MGA: variants seen among roughly 807,000 people sequenced by gnomAD.
The protein encoded by MGA is MAX gene-associated protein.
In MGA, 40 loss-of-function variants were observed where a neutral mutation model predicts 261.1. The ratio of observed to expected loss-of-function variants is 0.15; its 90% CI spans 0.12 to 0.20. The LOEUF is 0.20. MGA is among the 10% of genes least tolerant of loss of function. The pLI is 1.00. For synonymous variants in MGA, 1,302 were observed against 1,290.6 expected (o/e 1.01, Z -0.19); for missense variants, 3,397 against 3,630.5 (o/e 0.94, Z 1.65).
chr15:41,626,515 C>T (rs1255677724), intron 1 of MGA, among the ~76,000 whole-genome samples: 2 of 151,986 alleles, frequency 1.3e-5, no homozygotes, highest in Non-Finnish European at 2.9e-5. Context: ...CTCTGCCTCC[C>T]GGGTTCAAGT....
In MGA at chr15:41,743,000, A is replaced by G; in HGVS notation, c.5040A>G (p.Val1680=). The G allele has an allele frequency of 6.2e-7, 1 of 1,613,988 alleles. No individual in the cohort carries two copies. The highest frequency in any genetic ancestry group is 8.5e-7 in the Non-Finnish European group (1 of 1,179,892). Residue 1680 remains valine (V), a synonymous_variant, in exon 15 of 24, where the codon GTA becomes GTG. Transcript: ENST00000219905. ...CAGTTGCTTTTCCTAAGTCTTTGGT[A>G]GCATCTCCTTCAACCATAACTCTTC...
chr15:41,657,530 A>G (rs142607664), upstream of MGA, among the ~76,000 whole-genome samples: 37 of 151,330 alleles, frequency 2.4e-4, no homozygotes, highest in South Asian at 8.5e-4. Context: ...ATTTTTTTAT[A>G]TTTTTAGTAG....
intron 9 of MGA, among the ~76,000 whole-genome samples, chr15:41,719,152 CCAA>C (rs912716260): frequency 1.3e-5 from 2 of 152,020 alleles, no homozygotes; most frequent in African/African-American, 4.8e-5. Flanking sequence ...AAAATAGCAT[CCAA>C]CGAGAAGAGA....
chr15:41,665,755 A>T (rs987870732), intron 1 of MGA, among the ~76,000 whole-genome samples: 1 of 152,190 alleles, frequency 6.6e-6, no homozygotes, highest in African/African-American at 2.4e-5. Context: ...AAGAAATCCC[A>T]CACCCATTAG....
chr15:41,691,707 T>C (rs745665014), intron 2 of MGA: 2 of 435,640 alleles, frequency 4.6e-6, no homozygotes, highest in Non-Finnish European at 1.0e-5. Flanking sequence ...CATTAGTTTT[T>C]CTTTCAACAC....
intron 13 of MGA, 54 bp from the exon 14 acceptor site, chr15:41,739,852 G>T: frequency 6.4e-7 from 1 of 1,551,142 alleles, no homozygotes; most frequent in African/African-American, 1.4e-5. Context: ...CAAGGGAGAG[G>T]AGTTAGCAAG....
chr15:41,689,485 T>A (rs1383160528), intron 2 of MGA, among the ~76,000 whole-genome samples: 1 of 151,834 alleles, frequency 6.6e-6, no homozygotes, highest in Non-Finnish European at 1.5e-5. Flanking sequence ...ATAAGAAAAG[T>A]CTTTTATATT....
At chr15:41,639,586 C>G (rs1251781428) in intron 1 of MGA, among the ~76,000 whole-genome samples, 2 of 151,556 alleles carry the variant, frequency 1.3e-5, no homozygotes, top group African/African-American at 4.9e-5. Context: ...GCTCTGTCGT[C>G]CAGGCTGGAG....
intron 2 of MGA, among the ~76,000 whole-genome samples, chr15:41,693,650 A>G (rs2059406090): frequency 6.6e-6 from 1 of 152,130 alleles, no homozygotes; most frequent in African/African-American, 2.4e-5. Flanking sequence ...GGACTGAGAC[A>G]CTAATGTAAT....
chr15:41,751,139 A>G (rs2062808545), intron 17 of MGA: 1 of 152,300 alleles, frequency 6.6e-6, no homozygotes, highest in African/African-American at 2.4e-5. Flanking sequence ...TTAAATATTT[A>G]GTCTCTGGAA....
At chr15:41,710,647 C>T (rs760598917) in intron 7 of MGA, 44 bp from the exon 8 acceptor site, 1 of 1,504,734 alleles carries the variant, frequency 6.6e-7, no homozygotes, top group Non-Finnish European at 8.9e-7. Context: ...ATTCATAAAT[C>T]TGTCCTAGAT....
At chr15:41,765,119 C>T (rs1298335086) in intron 23 of MGA, 57 bp downstream of exon 23, 14 of 1,569,998 alleles carry the variant, frequency 8.9e-6, no homozygotes, top group East Asian at 4.5e-5. Flanking sequence ...TAACATCTCA[C>T]GGTGACCAAG....
chr15:41,650,583 G>A (rs745725704), intron 1 of MGA, among the ~76,000 whole-genome samples: 8 of 151,958 alleles, frequency 5.3e-5, no homozygotes, highest in South Asian at 2.1e-4. Flanking sequence ...AATTACAGGC[G>A]TGCACCACCA....
chr15:41,710,710 A>G lies in MGA; in HGVS notation c.2445A>G (p.Ser815=). 1.2e-6 allele frequency: 2 copies of G among 1,600,728 alleles called. No homozygotes were observed. Among genetic ancestry groups the G allele is most frequent in the Non-Finnish European group, 1.7e-6 (2 of 1,174,846 alleles). Residue 815 remains serine (S), a synonymous_variant, in exon 8 of 24, where the codon TCA becomes TCG. Coordinates refer to ENST00000219905, the MANE Select transcript of MGA (RefSeq NM_001164273.2). Reference sequence around the variant, plus strand: ...TTCTAGGTGGAAATTCAGAAAGTTCACTGAAAAATCGTTCTGCTTTCTGTA... The same window carrying G: ...TTCTAGGTGGAAATTCAGAAAGTTCGCTGAAAAATCGTTCTGCTTTCTGTA...
At chr15:41,684,993 T>C (rs1274658576) in intron 2 of MGA, among the ~76,000 whole-genome samples, 1 of 152,212 alleles carries the variant, frequency 6.6e-6, no homozygotes, top group Non-Finnish European at 1.5e-5. Flanking sequence ...TGGGTGGCTT[T>C]TATATTATGT....
At position 41,762,593 on chromosome 15, in the gene MGA, G is replaced by C. The variant is rs145620885; in HGVS notation, c.7744+231G>C. The stretch of plus-strand genomic sequence containing the variant: ...AAGCGATTATCTGCTTCAGCCTCCT[G>C]AGTAGCTGGGACTACAGCGAGCACC... On this transcript the variant is annotated intron_variant, in intron 22 of 23. Coordinates refer to ENST00000219905, the MANE Select transcript of MGA (RefSeq NM_001164273.2). Among the ~76,000 whole-genome samples the C allele has an allele frequency of 6.5e-3, 955 of 146,398 alleles. 13 individuals are homozygous for C. Among genetic ancestry groups the C allele is most frequent in the African/African-American group, 0.023 (919 of 39,820 alleles).
intron 1 of MGA, among the ~76,000 whole-genome samples, chr15:41,661,073 ATTGT>A (rs1278302715): frequency 1.3e-5 from 2 of 152,158 alleles, no homozygotes; most frequent in Non-Finnish European, 2.9e-5. Context: ...TTCCGGCCAA[ATTGT>A]TTGAGGCAGG....
intron 9 of MGA, among the ~76,000 whole-genome samples, chr15:41,722,122 A>ATTTTTTTTTTTTTTTTTTTTTTTTTTTTT (rs35690314): frequency 2.3e-5 from 2 of 87,740 alleles, no homozygotes; most frequent in African/African-American, 4.8e-5. Context: ...AAGTAGGCCA[A>ATTTTTTTTTTTTTTTTTTTTTTTTTTTTT]TTTTTTTTTT....
intron 1 of MGA, among the ~76,000 whole-genome samples, chr15:41,632,068 G>A (rs1410738826): frequency 1.3e-5 from 2 of 152,122 alleles, no homozygotes; most frequent in African/African-American, 4.8e-5. Flanking sequence ...GACACATAAA[G>A]CTCACTACCT....
Sources: gnomAD v4.1 joint callset for allele counts (sites outside exome capture counted in the v4.1 genomes callset) on GRCh38, gnomAD v4.1.1 for gene constraint, MANE v1.5 for transcripts, NCBI Gene and HGNC (gene_info 2026-07-23, HGNC 2026-07-21) for gene names.